PPP1CC: variants seen among roughly 807,000 people sequenced by gnomAD.
The protein encoded by PPP1CC is serine/threonine-protein phosphatase PP1-gamma catalytic subunit.
A neutral mutation model predicts 38.4 loss-of-function variants in PPP1CC; 16 were observed. The observed-to-expected ratio is 0.42, with a 90% confidence interval of 0.28 to 0.63. The LOEUF (loss-of-function observed/expected upper bound fraction) is 0.63. Ranked by LOEUF, PPP1CC falls within the 30% of genes least tolerant of loss-of-function variation. PPP1CC has a pLI of 0.25. For synonymous variants in PPP1CC, 158 were observed against 136.0 expected (o/e 1.16, Z -1.13); for missense variants, 170 against 391.3 (o/e 0.43, Z 4.77).
rs929753497 is a variant in PPP1CC, at chr12:110,720,315, C to A, written c.*761G>T. The A allele has an allele frequency of 1.1e-6, 1 of 944,554 alleles. No homozygotes were observed. The highest frequency in any genetic ancestry group is 1.6e-6 in the Non-Finnish European group (1 of 631,258). 58.5% of individuals were successfully genotyped at this position (944,554 alleles called of 1,614,324 possible). On this transcript the variant is annotated 3_prime_UTR_variant, in exon 7 of 7. Transcript: ENST00000335007. ...TATATCACTAATTGCTATTCAAAAT[C>A]AAAAACCTGTTTTTGAATCCCCAAG...
intron 6 of PPP1CC, chr12:110,721,911 A>C (rs1264937384): frequency 3.8e-6 from 2 of 524,034 alleles, no homozygotes; most frequent in African/African-American, 3.8e-5. Flanking sequence ...GCCAATATGC[A>C]ATGCAAAAAT....
chr12:110,715,680 G>A (rs1340221111), downstream of PPP1CC, among the ~76,000 whole-genome samples: 1 of 151,932 alleles, frequency 6.6e-6, no homozygotes, highest in East Asian at 1.9e-4. Flanking sequence ...GTGCAATGGT[G>A]CGATCTCAGC....
At chr12:110,738,326 C>G (rs572677156) in intron 1 of PPP1CC, among the ~76,000 whole-genome samples, 1 of 152,296 alleles carries the variant, frequency 6.6e-6, no homozygotes, top group South Asian at 2.1e-4. Context: ...GAAATGAAAT[C>G]CTTCCTTCTT....
chr12:110,725,879 TGAA>T (rs1267310052), intron 3 of PPP1CC: 1 of 152,262 alleles, frequency 6.6e-6, no homozygotes, highest in Non-Finnish European at 1.5e-5. Context: ...CTGACCAACA[TGAA>T]GAAATCCCGT....
chr12:110,735,973 G>A (rs2069939266), intron 1 of PPP1CC, among the ~76,000 whole-genome samples: 1 of 152,150 alleles, frequency 6.6e-6, no homozygotes, highest in South Asian at 2.1e-4. Flanking sequence ...GCTGAGGCAG[G>A]AGAATCGCTG....
chr12:110,720,151 T>C lies in PPP1CC; in HGVS notation c.*925A>G, dbSNP rs766275891. On this transcript the variant is annotated 3_prime_UTR_variant, in exon 7 of 7. Transcript: ENST00000335007. ...ATAATCGGTCACTCGTATAGAACAG[T>C]ATTGTTTCTATAATTTGAAGCTTTC... The C allele has an allele frequency of 1.4e-5, 22 of 1,554,086 alleles. No individual in the cohort carries two copies. In the Admixed American group the frequency reaches 3.9e-4, roughly 28 times the overall value.
chr12:110,738,871 A>G lies in PPP1CC; in HGVS notation c.55+3782T>C, dbSNP rs566368002. Among the ~76,000 whole-genome samples the G allele has an allele frequency of 2.6e-5, 4 of 152,324 alleles. No homozygotes were observed. In the South Asian group the frequency reaches 8.3e-4, roughly 32 times the overall value. On this transcript the variant is annotated intron_variant, in intron 1 of 6. Transcript: ENST00000335007. ...GCTGCAGATCATCTGTCTCCAACAG[A>G]GCTTTCCCACCTTGCCTAGGAGGAG...
chr12:110,720,256 T>A lies in PPP1CC; in HGVS notation c.*820A>T. ...ACTATATGGAAATTGTATAAAATGT[T>A]ATTACCTTTTATCGTTAGTAGCTTA... On this transcript the variant is annotated 3_prime_UTR_variant, in exon 7 of 7. Transcript: ENST00000335007. 2 of 1,412,686 alleles carry A rather than the reference T, an allele frequency of 1.4e-6. No individual in the cohort carries two copies. The highest frequency in any genetic ancestry group is 1.9e-6 in the Non-Finnish European group (2 of 1,037,150). 87.5% of individuals were successfully genotyped at this position (1,412,686 alleles called of 1,614,324 possible). A position where few individuals can be genotyped will look rare whatever the true frequency, so the allele number is the denominator to read the frequency against.
the PPP1CC span, among the ~76,000 whole-genome samples, chr12:110,712,001 T>C: frequency 4.6e-5 from 7 of 152,180 alleles, no homozygotes; most frequent in East Asian, 7.7e-4. Context: ...CAGTCAATGA[T>C]GGACCGCATA....
rs771882736 is a variant in PPP1CC, at chr12:110,721,128, G to A, written c.920C>T (p.Thr307Met). Residue 307 changes from threonine to methionine, a missense_variant, in exon 7 of 7, where the codon ACG becomes ATG. Physicochemically the swap from Thr to Met is moderately conservative, Grantham distance 81. Transcript: ENST00000335007. Reference protein sequence around the residue: ...KPAEKKKPNATRPVTPPRGMI... With the variant: ...KPAEKKKPNAMRPVTPPRGMI... ...ACCCCTTGGAGGCGTTACAGGTCTC[G>A]TGGCATTTGGCTTCTTTTTCTCTGC... 21 of 1,613,814 alleles carry A rather than the reference G, an allele frequency of 1.3e-5. No individual in the cohort carries two copies. In the East Asian group the frequency reaches 3.6e-4, roughly 27 times the overall value.
At chr12:110,713,897 G>A in the PPP1CC span, among the ~76,000 whole-genome samples, 181 of 152,270 alleles carry the variant, frequency 1.2e-3, 3 homozygotes, top group African/African-American at 4.3e-3. Context: ...CCAGGGGTTT[G>A]AGACCAGCCT....
rs139321384 is a variant in PPP1CC, at chr12:110,725,340, C to G, written c.419-576G>C. ...CACATGTGGCGTTATGACCTTCCTT[C>G]TGAGGAAACCTGAGAGTTAGCACCC... is the stretch of plus-strand genomic sequence containing the variant. On this transcript the variant is annotated intron_variant, in intron 3 of 6. Transcript: ENST00000335007. 34 of 152,440 alleles carry G rather than the reference C, an allele frequency of 2.2e-4. 1 individual carries two copies. The highest frequency in any genetic ancestry group is 7.7e-4 in the African/African-American group (32 of 41,562). The allele number at this position is 152,440 out of a possible 1,614,324, so 9.4% of individuals were successfully genotyped here.
At chr12:110,733,647 G>C (rs1180560482) in intron 1 of PPP1CC, among the ~76,000 whole-genome samples, 1 of 152,096 alleles carries the variant, frequency 6.6e-6, no homozygotes, top group East Asian at 1.9e-4. Flanking sequence ...TTTTGAAGAA[G>C]CCTGGTGCCC....
the PPP1CC span, among the ~76,000 whole-genome samples, chr12:110,710,717 CAAAAAAAAAAAAAAA>C: frequency 1.1e-4 from 3 of 27,896 alleles, no homozygotes; most frequent in South Asian, 1.8e-3. Flanking sequence ...GACTCTGTCT[CAAAAAAAAAAAAAAA>C]AAAAAAAAAA....
In PPP1CC at chr12:110,740,010, G is replaced by A. The variant is rs539614931; in HGVS notation, c.55+2643C>T. Among the ~76,000 whole-genome samples, 34 of 152,286 alleles carry A rather than the reference G, an allele frequency of 2.2e-4. No homozygotes were observed. The Middle Eastern group carries it at 0.01, about 46-fold the overall frequency. ...TGGTGGGTTGCAGAGGTGATGCCTC[G>A]CTTACAGAAATACTCAGAGTTCAGA... On this transcript the variant is annotated intron_variant, in intron 1 of 6. Coordinates refer to ENST00000335007, the MANE Select transcript of PPP1CC (RefSeq NM_002710.4).
chr12:110,715,252 T>G (rs1179436488), downstream of PPP1CC, among the ~76,000 whole-genome samples: 3 of 152,154 alleles, frequency 2.0e-5, no homozygotes, highest in Admixed American at 1.3e-4. Context: ...AATCAGTATT[T>G]GGTGGTCATA....
intron 1 of PPP1CC, 33 bp downstream of exon 1, chr12:110,742,620 C>A: frequency 7.1e-7 from 1 of 1,407,860 alleles, no homozygotes; most frequent in Non-Finnish European, 9.3e-7. Context: ...CTCAGGCCCG[C>A]CTCCCCCTTC....
At chr12:110,709,564 A>AT in the PPP1CC span, among the ~76,000 whole-genome samples, 1,088 of 127,204 alleles carry the variant, frequency 8.6e-3, 1 homozygote, top group Non-Finnish European at 0.011. Flanking sequence ...GGGTCAAATA[A>AT]TTTTTTTTTT....
intron 3 of PPP1CC, chr12:110,726,365 A>G (rs908075607): frequency 1.3e-5 from 2 of 152,176 alleles, no homozygotes; most frequent in African/African-American, 4.8e-5. Context: ...AACACTGACT[A>G]TGGTTCACCC....
Sources: gnomAD v4.1 joint callset for allele counts (sites outside exome capture counted in the v4.1 genomes callset) on GRCh38, gnomAD v4.1.1 for gene constraint, MANE v1.5 for transcripts, NCBI Gene and HGNC (gene_info 2026-07-23, HGNC 2026-07-21) for gene names.